The following ZNF385D variants were observed in gnomAD, a reference collection of about 807,000 sequenced individuals.
ZNF385D encodes the protein zinc finger protein 659.
A neutral mutation model predicts 35.8 loss-of-function variants in ZNF385D; 15 were observed. The ratio of observed to expected loss-of-function variants is 0.42; its 90% CI spans 0.28 to 0.64. ZNF385D has a LOEUF of 0.64. Among genes scored for constraint, ZNF385D ranks in the 30% least tolerant of loss-of-function variants. The pLI, the probability that ZNF385D is intolerant of heterozygous loss-of-function variation, is 0.23. For synonymous variants in ZNF385D, 212 were observed against 186.8 expected, an observed-to-expected ratio of 1.13 and a Z score of -1.10; for missense variants, 474 against 494.6, an observed-to-expected ratio of 0.96 and a Z score of 0.39.
At chr3:22,332,844 T>C (rs1285413933) in intron 2 of ZNF385D, among the ~76,000 whole-genome samples, 8 of 152,000 alleles carry the variant, frequency 5.3e-5, no homozygotes, top group African/African-American at 1.7e-4. Flanking sequence ...GTCAAAGATA[T>C]ACTGTTAAAT....
chr3:21,822,074 AT>A (rs201376551), intron 3 of ZNF385D, among the ~76,000 whole-genome samples: 1 of 151,598 alleles, frequency 6.6e-6, no homozygotes, highest in Admixed American at 6.6e-5. Context: ...AGTTAAAATA[AT>A]TTTTTTTCTT....
intron 2 of ZNF385D, among the ~76,000 whole-genome samples, chr3:22,317,482 C>A (rs1703964712): frequency 6.6e-6 from 1 of 152,018 alleles, no homozygotes; most frequent in African/African-American, 2.4e-5. Context: ...AAGATATTAC[C>A]TGTGGGACTT....
intron 2 of ZNF385D, among the ~76,000 whole-genome samples, chr3:22,182,847 A>C (rs986412682): frequency 2.0e-5 from 3 of 152,100 alleles, no homozygotes; most frequent in East Asian, 3.8e-4. Flanking sequence ...TATACAATAG[A>C]GATTTTTTTC....
chr3:22,009,933 A>G (rs1473843717), intron 3 of ZNF385D, among the ~76,000 whole-genome samples: 1 of 145,914 alleles, frequency 6.9e-6, no homozygotes. Flanking sequence ...AATAAAAGAA[A>G]TGAAAAATAT....
At chr3:22,200,502 G>T (rs370677577) in intron 2 of ZNF385D, among the ~76,000 whole-genome samples, 1 of 152,052 alleles carries the variant, frequency 6.6e-6, no homozygotes, top group African/African-American at 2.4e-5. Flanking sequence ...AAGTCAAATG[G>T]AGGCAGGGCA....
chr3:21,761,686 G>A (rs898361362), intron 3 of ZNF385D, among the ~76,000 whole-genome samples: 2 of 151,980 alleles, frequency 1.3e-5, no homozygotes, highest in African/African-American at 4.8e-5. Flanking sequence ...AACTCTCAAG[G>A]GGGTGTCTGT....
chr3:21,749,196 C>T (rs971445942), intron 1 of ZNF385D, among the ~76,000 whole-genome samples: 1 of 152,158 alleles, frequency 6.6e-6, no homozygotes, highest in East Asian at 1.9e-4. Flanking sequence ...TTGCATTACA[C>T]AATGAAATTG....
chr3:22,351,345 T>G (rs1425214944), intron 2 of ZNF385D, among the ~76,000 whole-genome samples: 1 of 151,896 alleles, frequency 6.6e-6, no homozygotes, highest in Non-Finnish European at 1.5e-5. Context: ...CCATTCTTAT[T>G]TAATTTAGAA....
intron 3 of ZNF385D, among the ~76,000 whole-genome samples, chr3:22,020,971 C>T (rs1697190841): frequency 6.6e-6 from 1 of 151,756 alleles, no homozygotes; most frequent in Non-Finnish European, 1.5e-5. Flanking sequence ...ATGTCTTTTG[C>T]AGCAATATGG....
chr3:21,598,962 C>T (rs575076231), intron 2 of ZNF385D, among the ~76,000 whole-genome samples: 2 of 152,298 alleles, frequency 1.3e-5, no homozygotes, highest in African/African-American at 4.8e-5. Flanking sequence ...GTCTCCCTGC[C>T]ATGTTTGAAA....
intron 3 of ZNF385D, among the ~76,000 whole-genome samples, chr3:21,885,055 A>G (rs1265490388): frequency 5.3e-5 from 8 of 152,068 alleles, no homozygotes; most frequent in Non-Finnish European, 7.4e-5. Context: ...TAAATTAGTT[A>G]CTATCTGGCT....
chr3:21,482,396 G>A (rs368013816), intron 4 of ZNF385D, among the ~76,000 whole-genome samples: 16 of 152,284 alleles, frequency 1.1e-4, no homozygotes, highest in African/African-American at 3.6e-4. Context: ...CAGTAACTCT[G>A]ACAGAAAGTG....
At chr3:22,083,825 C>A (rs1267363612) in intron 3 of ZNF385D, among the ~76,000 whole-genome samples, 1 of 152,130 alleles carries the variant, frequency 6.6e-6, no homozygotes, top group Non-Finnish European at 1.5e-5. Flanking sequence ...TTAAGGGCAG[C>A]CAGAGAGAAA....
chr3:21,767,637 A>G (rs1311385255), intron 3 of ZNF385D, among the ~76,000 whole-genome samples: 3 of 151,896 alleles, frequency 2.0e-5, no homozygotes, highest in Admixed American at 2.0e-4. Context: ...GGGTGGATGG[A>G]TGAATGAATT....
At chr3:21,684,400 CTCTCCTCTCT>C (rs1476277684) in intron 1 of ZNF385D, among the ~76,000 whole-genome samples, 3 of 81,734 alleles carry the variant, frequency 3.7e-5, no homozygotes, top group African/African-American at 1.3e-4. Context: ...CTCTCTCTCT[CTCTCCTCTCT>C]CTCTCTCTCT....
intron 2 of ZNF385D, among the ~76,000 whole-genome samples, chr3:22,355,283 G>A (rs567356787): frequency 1.6e-4 from 25 of 151,992 alleles, no homozygotes; most frequent in South Asian, 4.2e-4. Flanking sequence ...AAGTTGATTC[G>A]TTAGATCAAA....
At chr3:22,077,962 T>A (rs1700549293) in intron 3 of ZNF385D, among the ~76,000 whole-genome samples, 1 of 151,970 alleles carries the variant, frequency 6.6e-6, no homozygotes, top group African/African-American at 2.4e-5. Context: ...GCTGACAACC[T>A]GAAAAGTCCT....
chr3:21,820,440 G>C (rs2073350797), intron 3 of ZNF385D, among the ~76,000 whole-genome samples: 1 of 151,790 alleles, frequency 6.6e-6, no homozygotes, highest in South Asian at 2.1e-4. Flanking sequence ...CATAGCAATA[G>C]TTAAGGGGTA....
chr3:22,361,220 C>T (rs1696393929), intron 2 of ZNF385D, among the ~76,000 whole-genome samples: 1 of 151,898 alleles, frequency 6.6e-6, no homozygotes, highest in South Asian at 2.1e-4. Context: ...TCCAATGTGG[C>T]AAGACTAAAT....
Sources: allele counts gnomAD v4.1 joint callset (sites outside exome capture counted in the v4.1 genomes callset), GRCh38; gene constraint gnomAD v4.1.1; transcripts MANE v1.5; gene names NCBI Gene and HGNC (gene_info 2026-07-23, HGNC 2026-07-21).